The following CSMD2 variants were observed in gnomAD, a reference collection of about 807,000 sequenced individuals.
CSMD2 encodes CUB and sushi domain-containing protein 2.
Under a neutral mutation model 398.5 loss-of-function variants are expected in CSMD2, and 130 were observed. The observed-to-expected ratio is 0.33, with a 90% CI of 0.28 to 0.38. CSMD2 has a LOEUF of 0.38. Ranked by LOEUF, CSMD2 falls within the 10% of genes least tolerant of loss-of-function variation. The probability of loss-of-function intolerance (pLI) is 1.00; values close to 1 mark genes in which losing one functional copy is unlikely to be tolerated. For missense variants in CSMD2, 3,829 were observed against 4,764.9 expected, an observed-to-expected ratio of 0.80 and a Z score of 5.78; for synonymous variants, 1,828 against 1,908.5, an observed-to-expected ratio of 0.96 and a Z score of 1.10.
chr1:34,044,541 T>C (rs1570921761), intron 2 of CSMD2, among the ~76,000 whole-genome samples: 1 of 139,166 alleles, frequency 7.2e-6, no homozygotes, highest in South Asian at 2.6e-4. Flanking sequence ...GCTGTTGCTA[T>C]GTCAGCCATG....
intron 3 of CSMD2, among the ~76,000 whole-genome samples, chr1:33,969,766 T>C (rs936935074): frequency 2.6e-5 from 4 of 151,844 alleles, no homozygotes; most frequent in African/African-American, 9.7e-5. Flanking sequence ...AGTGAGTGTG[T>C]ATGCTTCAGA....
chr1:33,711,702 C>T (rs1207709717), intron 21 of CSMD2, among the ~76,000 whole-genome samples: 1 of 152,196 alleles, frequency 6.6e-6, no homozygotes, highest in Non-Finnish European at 1.5e-5. Flanking sequence ...AGCTGGCTTC[C>T]CTTAAACATG....
chr1:33,982,056 A>G (rs1360716579), intron 3 of CSMD2, among the ~76,000 whole-genome samples: 1 of 152,218 alleles, frequency 6.6e-6, no homozygotes, highest in Non-Finnish European at 1.5e-5. Flanking sequence ...ATAGCTGTCC[A>G]GGTGAGACAA....
chr1:33,596,495 A>C (rs1639847090), intron 44 of CSMD2, among the ~76,000 whole-genome samples: 1 of 152,130 alleles, frequency 6.6e-6, no homozygotes. Context: ...CATACCTGAG[A>C]TTGGGTATTT....
chr1:33,911,673 T>C (rs978827436), intron 5 of CSMD2, among the ~76,000 whole-genome samples: 1 of 152,084 alleles, frequency 6.6e-6, no homozygotes, highest in Non-Finnish European at 1.5e-5. Flanking sequence ...ACCTAGAGAG[T>C]AGGTTGAGCC....
intron 3 of CSMD2, among the ~76,000 whole-genome samples, chr1:33,997,847 G>C (rs141308892): frequency 9.5e-4 from 145 of 152,246 alleles, no homozygotes; most frequent in African/African-American, 3.4e-3. Flanking sequence ...AATGTGACTA[G>C]TGATGGGAGA....
At chr1:33,666,658 G>T (rs965138040) in intron 25 of CSMD2, among the ~76,000 whole-genome samples, 3 of 152,026 alleles carry the variant, frequency 2.0e-5, no homozygotes, top group Non-Finnish European at 4.4e-5. Context: ...TATAGGAGGG[G>T]ATTCCTTAAA....
At chr1:33,898,177 C>T (rs1250671299) in intron 5 of CSMD2, among the ~76,000 whole-genome samples, 1 of 152,206 alleles carries the variant, frequency 6.6e-6, no homozygotes, top group African/African-American at 2.4e-5. Flanking sequence ...TACTATTTCT[C>T]TTGCAGTCAT....
At chr1:33,861,468 C>T (rs750051865) in intron 5 of CSMD2, 8 of 152,178 alleles carry the variant, frequency 5.3e-5, no homozygotes, top group Non-Finnish European at 8.8e-5. Context: ...TGGAGGTCAT[C>T]TCATAATCTA....
intron 12 of CSMD2, among the ~76,000 whole-genome samples, chr1:33,779,621 CCAGA>C (rs1652443965): frequency 6.6e-6 from 1 of 152,192 alleles, no homozygotes; most frequent in South Asian, 2.1e-4. Flanking sequence ...GCTTTGTCTA[CCAGA>C]CAAAGAATCA....
chr1:34,014,030 C>T (rs990868411), intron 3 of CSMD2, among the ~76,000 whole-genome samples: 1 of 152,168 alleles, frequency 6.6e-6, no homozygotes, highest in African/African-American at 2.4e-5. Flanking sequence ...CCCGTTGATC[C>T]CCCCAAACCC....
In CSMD2 at chr1:33,587,024, C is replaced by T. The variant is rs1013041223; in HGVS notation, c.6937+64G>A. On this transcript the variant is annotated intron_variant, in intron 45 of 70. Transcript: ENST00000373381. ...AGGTCCACTGGCCCGACAGCTCCCC[C>T]CGCCACCTTCCCTTCCTTCCCCAGT... 5 of 1,336,124 alleles carry T rather than the reference C, an allele frequency of 3.7e-6. No homozygotes were observed. The African/African-American group carries it at 5.8e-5, about 15-fold the overall frequency. 82.8% of individuals were successfully genotyped at this position (1,336,124 alleles called of 1,614,324 possible).
At chr1:33,789,862 G>A (rs1055459356) in intron 11 of CSMD2, among the ~76,000 whole-genome samples, 5 of 152,202 alleles carry the variant, frequency 3.3e-5, no homozygotes, top group African/African-American at 1.2e-4. Context: ...AAAAGGCTGG[G>A]ACCCCTGCTT....
intron 55 of CSMD2, among the ~76,000 whole-genome samples, chr1:33,555,595 T>C (rs1033522415): frequency 6.6e-6 from 1 of 152,216 alleles, no homozygotes; most frequent in Non-Finnish European, 1.5e-5. Context: ...ACTTCACTGT[T>C]GTCTTATTTC....
At chr1:33,763,324 C>T (rs77926197) in intron 13 of CSMD2, among the ~76,000 whole-genome samples, 2,875 of 152,206 alleles carry the variant, frequency 0.019, 35 homozygotes, top group South Asian at 0.03. Flanking sequence ...AGAAATATGA[C>T]CTAATGTCTA....
rs1350145148 is a variant in CSMD2, at chr1:33,572,505, C to T, written c.7762+1G>A. 1.9e-6 allele frequency: 3 copies of T among 1,594,600 alleles called. No individual in the cohort carries two copies. Among genetic ancestry groups the T allele is most frequent in the East Asian group, 2.3e-5 (1 of 44,438 alleles). On this transcript the variant is annotated splice_donor_variant, in intron 50 of 70. Coordinates refer to ENST00000373381, the MANE Select transcript of CSMD2 (RefSeq NM_001281956.2). LOFTEE classifies it high-confidence loss of function. ...CCCGCCTCCATTGCCCGAGGACTCACGGACACACTGTGGTGGGACATTGCG... is the reference window on the plus strand; with the variant it reads ...CCCGCCTCCATTGCCCGAGGACTCATGGACACACTGTGGTGGGACATTGCG...
chr1:33,641,529 T>C (rs755334856), intron 29 of CSMD2, among the ~76,000 whole-genome samples: 2 of 152,232 alleles, frequency 1.3e-5, no homozygotes, highest in African/African-American at 4.8e-5. Context: ...CTGTTCTTTG[T>C]TTCCTTTTAG....
intron 5 of CSMD2, chr1:33,869,093 T>C (rs1640257245): frequency 6.6e-6 from 1 of 152,204 alleles, no homozygotes; most frequent in Non-Finnish European, 1.5e-5. Context: ...GTGAAGGCCT[T>C]GGCAAGGGGT....
At chr1:34,147,494 A>AGTCAT (rs928070208) in intron 1 of CSMD2, among the ~76,000 whole-genome samples, 13 of 151,948 alleles carry the variant, frequency 8.6e-5, no homozygotes, top group African/African-American at 3.1e-4. Flanking sequence ...GTAAACAGGA[A>AGTCAT]GTCATGTGGT....
Sources: allele counts gnomAD v4.1 joint callset (sites outside exome capture counted in the v4.1 genomes callset), GRCh38; gene constraint gnomAD v4.1.1; transcripts MANE v1.5; gene names NCBI Gene and HGNC (gene_info 2026-07-23, HGNC 2026-07-21).